CREB3L2: variants seen among roughly 807,000 people sequenced by gnomAD.
The protein encoded by CREB3L2 is cAMP responsive element binding protein 3 like 2.
Under a neutral mutation model 57.2 loss-of-function variants are expected in CREB3L2, and 23 were observed. That is an observed-to-expected ratio of 0.40 (90% CI 0.29 to 0.57). The LOEUF is 0.57. Among genes scored for constraint, CREB3L2 ranks in the 20% least tolerant of loss-of-function variants. The pLI is 0.42. For synonymous variants in CREB3L2, 268 were observed against 265.1 expected, an observed-to-expected ratio of 1.01 and a Z score of -0.11; for missense variants, 628 against 634.7, an observed-to-expected ratio of 0.99 and a Z score of 0.11.
Position 137,879,283 on chromosome 7 carries a change from C to T in CREB3L2, c.*1193G>A. The T allele has an allele frequency of 1.9e-6, 1 of 530,812 alleles. No individual in the cohort carries two copies. Among genetic ancestry groups the T allele is most frequent in the South Asian group, 1.6e-5 (1 of 62,992 alleles). 32.9% of individuals were successfully genotyped at this position (530,812 alleles called of 1,614,324 possible). ...GGTAAGAATGTGGATACACAAATGTCACCTACCCCACCCTGCTTTGTTGAG... is the reference window on the plus strand; with the variant it reads ...GGTAAGAATGTGGATACACAAATGTTACCTACCCCACCCTGCTTTGTTGAG... On this transcript the variant is annotated 3_prime_UTR_variant, in exon 12 of 12. Transcript: ENST00000330387.
chr7:137,905,918 T>G, intron 5 of CREB3L2, 70 bp from the exon 6 acceptor site: 1 of 1,406,574 alleles, frequency 7.1e-7, no homozygotes. Context: ...CACCTCCCAA[T>G]GGGATGATGA....
chr7:137,908,523 G>C (rs1659732711), intron 4 of CREB3L2, 87 bp from the exon 5 acceptor site: 1 of 970,002 alleles, frequency 1.0e-6, no homozygotes, highest in Non-Finnish European at 1.3e-6. Context: ...AAAGTGTGAG[G>C]GGCCTCCATG....
intron 1 of CREB3L2, among the ~76,000 whole-genome samples, chr7:137,974,227 G>A (rs962834667): frequency 6.6e-6 from 1 of 152,182 alleles, no homozygotes; most frequent in African/African-American, 2.4e-5. Context: ...AATAATGGGA[G>A]AGAAAAGGTG....
chr7:137,886,785 G>A (rs893350026), intron 8 of CREB3L2, among the ~76,000 whole-genome samples: 1 of 151,754 alleles, frequency 6.6e-6, no homozygotes, highest in Non-Finnish European at 1.5e-5. Context: ...TCCTTAAAAG[G>A]CAAAGTTTGA....
Position 137,879,527 on chromosome 7 carries a change from T to C in CREB3L2, c.*949A>G. 3.9e-6 allele frequency: 1 copy of C among 257,544 alleles called. No individual in the cohort carries two copies. The highest frequency in any genetic ancestry group is 7.5e-6 in the Non-Finnish European group (1 of 132,632). The allele number at this position is 257,544 out of a possible 1,614,324, so 16.0% of individuals were successfully genotyped here. A position where few individuals can be genotyped will look rare whatever the true frequency, so the allele number is the denominator to read the frequency against. On this transcript the variant is annotated 3_prime_UTR_variant, in exon 12 of 12. Coordinates refer to ENST00000330387, the MANE Select transcript of CREB3L2 (RefSeq NM_194071.4). ...TGAGCTCATCCTAGAGGCAGACACA[T>C]ACATGCTCAAAGGAACTTCTTTTTC... is the stretch of plus-strand genomic sequence containing the variant.
chr7:137,970,045 TG>T (rs201227656), intron 1 of CREB3L2, among the ~76,000 whole-genome samples: 4 of 152,196 alleles, frequency 2.6e-5, no homozygotes, highest in African/African-American at 7.2e-5. Flanking sequence ...AGCACTGTTA[TG>T]GGGGGGTTAG....
At chr7:137,885,908 T>G (rs1376994360) in intron 8 of CREB3L2, among the ~76,000 whole-genome samples, 1 of 152,186 alleles carries the variant, frequency 6.6e-6, no homozygotes, top group Non-Finnish European at 1.5e-5. Context: ...GTGACGGTAT[T>G]AGGATGCAGC....
chr7:137,994,492 C>A (rs1801951330), intron 1 of CREB3L2, among the ~76,000 whole-genome samples: 1 of 152,186 alleles, frequency 6.6e-6, no homozygotes, highest in Non-Finnish European at 1.5e-5. Context: ...CCAGATAATA[C>A]AGTTAATTCT....
At chr7:137,918,633 C>G (rs2117223954) in intron 2 of CREB3L2, among the ~76,000 whole-genome samples, 1 of 152,166 alleles carries the variant, frequency 6.6e-6, no homozygotes, top group East Asian at 1.9e-4. Flanking sequence ...AAAAAGGTCG[C>G]ACACAATTAC....
intron 5 of CREB3L2, among the ~76,000 whole-genome samples, chr7:137,906,370 T>A (rs1229833338): frequency 6.6e-6 from 1 of 152,224 alleles, no homozygotes; most frequent in African/African-American, 2.4e-5. Context: ...AGCCTCTGGC[T>A]TCAGCAGTCT....
At chr7:137,946,786 C>CAGTTA (rs1800987814) in intron 1 of CREB3L2, among the ~76,000 whole-genome samples, 1 of 34,326 alleles carries the variant, frequency 2.9e-5, no homozygotes, top group Non-Finnish European at 6.0e-5. Flanking sequence ...ATATAGTTAT[C>CAGTTA]TATATAGTTA....
intron 1 of CREB3L2, among the ~76,000 whole-genome samples, chr7:137,962,555 A>T (rs1266047634): frequency 1.3e-5 from 2 of 151,856 alleles, no homozygotes; most frequent in Non-Finnish European, 2.9e-5. Context: ...ATCTGGGCTG[A>T]TTGCACCTTC....
At position 137,878,800 on chromosome 7, in the gene CREB3L2, G is replaced by A. The variant is rs1157374204; in HGVS notation, c.*1676C>T. On this transcript the variant is annotated 3_prime_UTR_variant, in exon 12 of 12. Transcript: ENST00000330387. ...AGGCAGGGACCGACTTATGAGGTAT[G>A]ACGACAAATGTTAATAACATCAAAT... 3.9e-6 allele frequency: 1 copy of A among 259,640 alleles called. No individual in the cohort carries two copies. 16.1% of individuals were successfully genotyped at this position (259,640 alleles called of 1,614,324 possible).
At chr7:137,948,071 C>T (rs1801029896) in intron 1 of CREB3L2, among the ~76,000 whole-genome samples, 1 of 152,222 alleles carries the variant, frequency 6.6e-6, no homozygotes, top group Non-Finnish European at 1.5e-5. Context: ...TCAACAATTC[C>T]TCACCTGGAT....
At chr7:137,959,744 A>C (rs944186624) in intron 1 of CREB3L2, among the ~76,000 whole-genome samples, 10 of 152,250 alleles carry the variant, frequency 6.6e-5, no homozygotes, top group African/African-American at 2.4e-4. Flanking sequence ...GATGAGAATC[A>C]AAGTATAATA....
intron 8 of CREB3L2, among the ~76,000 whole-genome samples, chr7:137,891,120 T>C (rs2117184478): frequency 6.6e-6 from 1 of 152,364 alleles, no homozygotes; most frequent in South Asian, 2.1e-4. Context: ...TGTCCAACAC[T>C]TGATTGAAAA....
Position 138,001,481 on chromosome 7 carries a change from C to T in CREB3L2, c.102+123G>A. 1 of 670,206 alleles carries T rather than the reference C, an allele frequency of 1.5e-6. No individual in the cohort carries two copies. 41.5% of individuals were successfully genotyped at this position (670,206 alleles called of 1,614,324 possible). On this transcript the variant is annotated intron_variant, in intron 1 of 11. Coordinates refer to ENST00000330387, the MANE Select transcript of CREB3L2 (RefSeq NM_194071.4). This position sits in a 1 kb window ranked among gnomAD's most constrained non-coding sequence, Gnocchi z 4.2. ...TTAAAGTACACCTCGCCCAGGACCT[C>T]TTGATTCTGACCATGCCCTGCCCCA...
chr7:137,941,843 C>T (rs754746309), intron 1 of CREB3L2, among the ~76,000 whole-genome samples: 1 of 152,170 alleles, frequency 6.6e-6, no homozygotes, highest in Non-Finnish European at 1.5e-5. Flanking sequence ...GTATTACATG[C>T]CTCGCTAAAA....
At chr7:137,927,377 AGAAG>A (rs1397585485) in intron 2 of CREB3L2, among the ~76,000 whole-genome samples, 1 of 134,414 alleles carries the variant, frequency 7.4e-6, no homozygotes, top group South Asian at 2.8e-4. Context: ...AAGAAAAGAG[AGAAG>A]GAAGGGAGGG....
Sources: allele counts gnomAD v4.1 joint callset (sites outside exome capture counted in the v4.1 genomes callset), GRCh38; gene constraint gnomAD v4.1.1; non-coding constraint Gnocchi (gnomAD v3.1); transcripts MANE v1.5; gene names NCBI Gene and HGNC (gene_info 2026-07-23, HGNC 2026-07-21).